The following FGGY variants were observed in gnomAD, a reference collection of about 807,000 sequenced individuals.
The protein encoded by FGGY is FGGY carbohydrate kinase domain containing, also known as FGGY carbohydrate kinase domain-containing protein.
A neutral mutation model predicts 71.3 loss-of-function variants in FGGY; 72 were observed. The observed-to-expected ratio is 1.01, with a 90% CI of 0.84 to 1.23. FGGY has a LOEUF of 1.23. FGGY is among the 50% of genes most tolerant of loss of function. The pLI, the probability that FGGY is intolerant of heterozygous loss-of-function variation, is 0.00. For synonymous variants in FGGY, 251 were observed against 250.3 expected (o/e 1.00, Z -0.02); for missense variants, 668 against 682.3 (o/e 0.98, Z 0.23).
At chr1:59,338,330 G>C (rs953484299) in intron 2 of FGGY, among the ~76,000 whole-genome samples, 1 of 152,072 alleles carries the variant, frequency 6.6e-6, no homozygotes, top group South Asian at 2.1e-4. Context: ...TTTGGTATCA[G>C]GGTAATACTG....
intron 4 of FGGY, among the ~76,000 whole-genome samples, chr1:59,362,990 G>A (rs577887760): frequency 1.1e-4 from 17 of 152,204 alleles, no homozygotes; most frequent in African/African-American, 4.1e-4. Flanking sequence ...CTAATTCTGG[G>A]GAGATAGATG....
intron 6 of FGGY, among the ~76,000 whole-genome samples, chr1:59,469,802 G>A (rs78431344): frequency 0.029 from 4,398 of 152,088 alleles, 202 homozygotes; most frequent in African/African-American, 0.1. Flanking sequence ...CATTGTGTCC[G>A]TGTGTTCTCA....
intron 4 of FGGY, among the ~76,000 whole-genome samples, chr1:59,374,582 C>G (rs2058312905): frequency 1.3e-5 from 2 of 152,098 alleles, no homozygotes; most frequent in Admixed American, 6.5e-5. Flanking sequence ...ATAAATCATG[C>G]TGCTATAAAG....
At chr1:59,614,156 G>A (rs1572115179) in intron 9 of FGGY, among the ~76,000 whole-genome samples, 1 of 152,122 alleles carries the variant, frequency 6.6e-6, no homozygotes, top group South Asian at 2.1e-4. Flanking sequence ...TATGAGGCCA[G>A]CATCATCCTG....
At chr1:59,437,675 G>C (rs985666113) in intron 5 of FGGY, among the ~76,000 whole-genome samples, 3 of 152,200 alleles carry the variant, frequency 2.0e-5, no homozygotes, top group South Asian at 4.1e-4. Context: ...ATCAGTGATT[G>C]CTATAGTCCC....
At chr1:59,442,538 T>C (rs1323529357) in intron 5 of FGGY, among the ~76,000 whole-genome samples, 1 of 152,234 alleles carries the variant, frequency 6.6e-6, no homozygotes, top group Non-Finnish European at 1.5e-5. Flanking sequence ...AGGTCTGTAC[T>C]TCTACTTCAC....
At chr1:59,356,138 G>T (rs1301089648) in intron 4 of FGGY, among the ~76,000 whole-genome samples, 1 of 152,050 alleles carries the variant, frequency 6.6e-6, no homozygotes, top group Non-Finnish European at 1.5e-5. Flanking sequence ...TCCTCACCCA[G>T]CCTGCTACAC....
intron 8 of FGGY, among the ~76,000 whole-genome samples, chr1:59,587,312 C>T (rs1276582877): frequency 6.6e-6 from 1 of 152,052 alleles, no homozygotes; most frequent in Non-Finnish European, 1.5e-5. Context: ...TGGGTGGAGC[C>T]CACCACAGCT....
chr1:59,655,367 C>T (rs756818288), intron 11 of FGGY, among the ~76,000 whole-genome samples: 9 of 152,104 alleles, frequency 5.9e-5, no homozygotes, highest in South Asian at 4.2e-4. Context: ...CCTATCAACC[C>T]GTCATCTAGG....
intron 14 of FGGY, among the ~76,000 whole-genome samples, chr1:59,702,882 A>C (rs6661666): frequency 0.27 from 41,269 of 151,978 alleles, 5,806 homozygotes; most frequent in Admixed American, 0.35. Flanking sequence ...GGGGCACTCA[A>C]TCCTCCAGAG....
intron 14 of FGGY, among the ~76,000 whole-genome samples, chr1:59,717,706 G>T (rs2097855470): frequency 6.6e-6 from 1 of 152,172 alleles, no homozygotes; most frequent in Admixed American, 6.5e-5. Flanking sequence ...GAAGTATGGA[G>T]ATTTAGGCTC....
intron 6 of FGGY, among the ~76,000 whole-genome samples, chr1:59,463,717 T>A (rs113640640): frequency 2.2e-4 from 33 of 150,284 alleles, no homozygotes; most frequent in African/African-American, 5.1e-4. Context: ...TTGCAATCCT[T>A]GTCTCTGATA....
At chr1:59,471,481 C>T (rs1205427183) in intron 6 of FGGY, among the ~76,000 whole-genome samples, 2 of 152,190 alleles carry the variant, frequency 1.3e-5, no homozygotes, top group African/African-American at 4.8e-5. Flanking sequence ...TTTGATCTTA[C>T]CTTATCCTCT....
rs1016068497 is a variant in FGGY, at chr1:59,727,219, A to AT, written c.1513-30705dup. On this transcript the variant is annotated intron_variant, in intron 14 of 15. Coordinates refer to ENST00000303721, the MANE Select transcript of FGGY (RefSeq NM_018291.5). Reference sequence around the variant, plus strand: ...CCTCCACGTTGTTGAAAAGGACGTGATTTTTTTCTTTTTTATGGCTGCATA... The same window carrying AT: ...CCTCCACGTTGTTGAAAAGGACGTGATTTTTTTTCTTTTTTATGGCTGCATA... 6.6e-5 allele frequency among the ~76,000 whole-genome samples: 10 copies of AT among 152,156 alleles called. No individual in the cohort carries two copies. The South Asian group carries it at 1.9e-3, about 28-fold the overall frequency.
At chr1:59,324,184 C>G (rs2046912038) in intron 2 of FGGY, among the ~76,000 whole-genome samples, 1 of 151,322 alleles carries the variant, frequency 6.6e-6, no homozygotes, top group African/African-American at 2.4e-5. Flanking sequence ...ACAAAGACAG[C>G]TAACAGTTCT....
intron 5 of FGGY, among the ~76,000 whole-genome samples, chr1:59,453,575 A>G (rs1489560590): frequency 6.6e-6 from 1 of 152,166 alleles, no homozygotes; most frequent in Middle Eastern, 3.2e-3. Context: ...ACGTTGATCC[A>G]AGACAACCTG....
intron 5 of FGGY, among the ~76,000 whole-genome samples, chr1:59,451,423 A>G (rs1360967424): frequency 6.7e-6 from 1 of 150,366 alleles, no homozygotes; most frequent in Non-Finnish European, 1.5e-5. Flanking sequence ...TTTTAAGAAA[A>G]CTCAATATTA....
intron 5 of FGGY, among the ~76,000 whole-genome samples, chr1:59,411,705 T>C (rs1190957954): frequency 6.6e-6 from 1 of 152,238 alleles, no homozygotes; most frequent in African/African-American, 2.4e-5. Context: ...TACTTACAAA[T>C]TCTTATTTTA....
At chr1:59,381,348 A>T (rs187396441) in intron 5 of FGGY, among the ~76,000 whole-genome samples, 2 of 152,252 alleles carry the variant, frequency 1.3e-5, no homozygotes, top group Admixed American at 1.3e-4. Context: ...TGGTAGCTTG[A>T]TGGGGATGGC....
Sources: gnomAD v4.1 joint callset for allele counts (sites outside exome capture counted in the v4.1 genomes callset) on GRCh38, gnomAD v4.1.1 for gene constraint, MANE v1.5 for transcripts, NCBI Gene and HGNC (gene_info 2026-07-23, HGNC 2026-07-21) for gene names.